Variants in UNC45A observed in about 807,000 individuals in gnomAD.
The protein encoded by UNC45A is unc-45 myosin chaperone A, also known as protein unc-45 homolog A.
In UNC45A, 78 loss-of-function variants were observed where a neutral mutation model predicts 103.2. That is an observed-to-expected ratio of 0.76 (90% CI 0.63 to 0.91). The LOEUF (loss-of-function observed/expected upper bound fraction) is 0.91. Among genes scored for constraint, UNC45A ranks in the 40% least tolerant of loss-of-function variants. The pLI, the probability that UNC45A is intolerant of heterozygous loss-of-function variation, is 0.00. For missense variants in UNC45A, 1,193 were observed against 1,224.8 expected (o/e 0.97, Z 0.39); for synonymous variants, 495 against 504.6 (o/e 0.98, Z 0.25).
At chr15:90,952,907 G>C in intron 17 of UNC45A, 22 bp from the exon 18 acceptor site, 1 of 1,603,094 alleles carries the variant, frequency 6.2e-7, no homozygotes, top group Non-Finnish European at 8.5e-7. Flanking sequence ...TATCCCTGCT[G>C]CTTCCTCCTG....
upstream of UNC45A, chr15:90,932,753 G>A (rs2151349780): frequency 5.1e-6 from 2 of 394,504 alleles, no homozygotes; most frequent in Non-Finnish European, 4.5e-6. Context: ...AGCTCAGTGT[G>A]CTCTGTTGGG....
intron 2 of UNC45A, 51 bp from the exon 3 acceptor site, chr15:90,935,895 G>A: frequency 6.2e-7 from 1 of 1,612,814 alleles, no homozygotes; most frequent in African/African-American, 1.3e-5. Context: ...CCTGGTTAGT[G>A]CCCCGAGAGG....
intron 18 of UNC45A, 25 bp from the exon 19 acceptor site, chr15:90,953,130 G>A (rs1343545968): frequency 1.9e-6 from 3 of 1,612,934 alleles, no homozygotes; most frequent in African/African-American, 2.7e-5. Flanking sequence ...AACTGACTTG[G>A]TCCACTCCTC....
At chr15:90,951,929 C>T (rs573797257) in intron 17 of UNC45A, among the ~76,000 whole-genome samples, 3 of 152,250 alleles carry the variant, frequency 2.0e-5, no homozygotes, top group African/African-American at 7.2e-5. Context: ...CTCAAAAAAA[C>T]ACAGAAACAA....
chr15:90,933,778 C>A (rs747781802), upstream of UNC45A: 2 of 351,000 alleles, frequency 5.7e-6, no homozygotes, highest in Non-Finnish European at 1.0e-5. Context: ...GCTCTCTCAT[C>A]CCTCATTCTG....
intron 2 of UNC45A, 102 bp downstream of exon 2, chr15:90,935,807 C>G: frequency 6.5e-7 from 1 of 1,530,782 alleles, no homozygotes; most frequent in East Asian, 2.3e-5. Flanking sequence ...CCCAGGCCAT[C>G]CCCGCTTGCC....
Position 90,942,456 on chromosome 15 carries a change from T to C in UNC45A, c.707T>C (p.Ile236Thr). Residue 236 changes from isoleucine to threonine, a missense_variant, in exon 7 of 20, where the codon ATA becomes ACA. Coordinates refer to ENST00000418476, the MANE Select transcript of UNC45A (RefSeq NM_018671.5). ...HQSRTVATLS[I>T]LGTRRVVSIL... ...CCCCAGACAGTGGCAACCCTGAGCA[T>C]ACTGGGAACTCGGCGAGTAGTCTCC... 1 of 1,613,458 alleles carries C rather than the reference T, an allele frequency of 6.2e-7. No individual in the cohort carries two copies. Among genetic ancestry groups the C allele is most frequent in the Non-Finnish European group, 8.5e-7 (1 of 1,179,654 alleles).
chr15:90,932,619 C>T (rs1312670695), upstream of UNC45A: 4 of 916,134 alleles, frequency 4.4e-6, no homozygotes, highest in Non-Finnish European at 5.7e-6. Context: ...CGGGGAGGCC[C>T]GGGGATCGTG....
chr15:90,932,289 A>G (rs1214532884), upstream of UNC45A: 9 of 836,656 alleles, frequency 1.1e-5, no homozygotes, highest in South Asian at 3.7e-5. Flanking sequence ...TACCGTTCCA[A>G]TTGTTATGAG....
chr15:90,937,549 C>T (rs192168118), intron 4 of UNC45A, among the ~76,000 whole-genome samples: 17 of 148,492 alleles, frequency 1.1e-4, no homozygotes, highest in African/African-American at 5.0e-5. Context: ...TGCAGTGGTG[C>T]GAACTTGGCT....
Position 90,950,212 on chromosome 15 carries a change from C to A in UNC45A, c.2132C>A (p.Ala711Asp). Residue 711 changes from alanine (A) to aspartate (D), a missense_variant, in exon 16 of 20, where the codon GCC (alanine) becomes GAC (aspartate). By Grantham distance (126) the Ala-to-Asp change is moderately radical (BLOSUM62 -2). Coordinates refer to ENST00000418476, the MANE Select transcript of UNC45A (RefSeq NM_018671.5). Reference protein sequence around the residue: ...TDVGQTKAAQALAKLTITSNP... With the variant: ...TDVGQTKAAQDLAKLTITSNP... Reference sequence around the variant, plus strand: ...GTGGGGCAGACAAAGGCAGCCCAGGCCCTTGCCAAGCTCACCATCACCTCC... The same window carrying A: ...GTGGGGCAGACAAAGGCAGCCCAGGACCTTGCCAAGCTCACCATCACCTCC... The A allele has an allele frequency of 6.4e-7, 1 of 1,551,782 alleles. No homozygotes were observed. The highest frequency in any genetic ancestry group is 8.7e-7 in the Non-Finnish European group (1 of 1,147,020).
intron 6 of UNC45A, among the ~76,000 whole-genome samples, chr15:90,941,726 G>A (rs911610818): frequency 6.6e-6 from 1 of 152,088 alleles, no homozygotes; most frequent in South Asian, 2.1e-4. Flanking sequence ...TTGGAAGGCC[G>A]AGGCGGGCAG....
At position 90,942,527 on chromosome 15, in the gene UNC45A, C is replaced by T. The variant is rs1458344458; in HGVS notation, c.778C>T (p.Leu260=). ...SQAVSLAACH[L]LQVMFDALKE... ...GGCTGTGTCCCTGGCTGCCTGCCAC[C>T]TGCTGCAGGTTATGTTTGATGCCCT... The change falls in exon 7 of 20, where the codon CTG becomes TTG. Residue 260 remains leucine (L), a synonymous_variant. Coordinates refer to ENST00000418476, the MANE Select transcript of UNC45A (RefSeq NM_018671.5). 2.5e-6 allele frequency: 4 copies of T among 1,614,070 alleles called. No individual in the cohort carries two copies. Among genetic ancestry groups the T allele is most frequent in the Admixed American group, 3.3e-5 (2 of 60,004 alleles).
In UNC45A at chr15:90,953,443, C is replaced by G; in HGVS notation, c.2578-16C>G. On this transcript the variant is annotated splice_polypyrimidine_tract_variant and intron_variant, in intron 19 of 19. Coordinates refer to ENST00000418476, the MANE Select transcript of UNC45A (RefSeq NM_018671.5). ...CCTGTTGCCCAGGGGTCATATCTAC[C>G]CTGTTTTTCTCACAGACCACACACT... 1 of 1,612,698 alleles carries G rather than the reference C, an allele frequency of 6.2e-7. No homozygotes were observed. Among genetic ancestry groups the G allele is most frequent in the South Asian group, 1.1e-5 (1 of 91,024 alleles).
chr15:90,939,854 G>A, intron 5 of UNC45A, 31 bp downstream of exon 5: 1 of 1,576,502 alleles, frequency 6.3e-7, no homozygotes. Flanking sequence ...CAGTGAGTGA[G>A]CTCCCACTAG....
Position 90,939,788 on chromosome 15 carries a change from G to T in UNC45A, c.484G>T (p.Asp162Tyr). 6.2e-7 allele frequency: 1 copy of T among 1,614,192 alleles called. No homozygotes were observed. The highest frequency in any genetic ancestry group is 8.5e-7 in the Non-Finnish European group (1 of 1,180,046). The change falls in exon 5 of 20, where the codon GAC (aspartate) becomes TAC (tyrosine). Residue 162 changes from aspartate to tyrosine, a missense_variant. Transcript: ENST00000418476. Reference protein sequence around the residue: ...KVEQMFQILLDPEEKGTEKKQ... With the variant: ...KVEQMFQILLYPEEKGTEKKQ... ...GGAACAGATGTTTCAGATACTGTTG[G>T]ACCCAGAAGAGAAGGGCACTGAGAA...
intron 12 of UNC45A, 145 bp downstream of exon 12, chr15:90,948,428 G>A: frequency 1.5e-6 from 2 of 1,343,998 alleles, no homozygotes; most frequent in Non-Finnish European, 2.0e-6. Flanking sequence ...TGTAGTGTGG[G>A]CATGTTGGCC....
chr15:90,941,698 G>A (rs1241412761), intron 6 of UNC45A, among the ~76,000 whole-genome samples: 1 of 152,118 alleles, frequency 6.6e-6, no homozygotes, highest in East Asian at 1.9e-4. Flanking sequence ...GGTGGCTCAT[G>A]CCTGTAATCC....
upstream of UNC45A, chr15:90,935,266 C>T: frequency 6.5e-7 from 1 of 1,528,636 alleles, no homozygotes; most frequent in South Asian, 1.2e-5. Context: ...GCGTCCCGAA[C>T]CCAGACTCGC....
Sources: allele counts gnomAD v4.1 joint callset (sites outside exome capture counted in the v4.1 genomes callset), GRCh38; gene constraint gnomAD v4.1.1; transcripts MANE v1.5; gene names NCBI Gene and HGNC (gene_info 2026-07-23, HGNC 2026-07-21).